CDH18: variants seen among roughly 807,000 people sequenced by gnomAD.
The protein encoded by CDH18 is cadherin 18.
In CDH18, 31 loss-of-function variants were observed where a neutral mutation model predicts 67.9. The ratio of observed to expected loss-of-function variants is 0.46; its 90% CI spans 0.34 to 0.62. The LOEUF is 0.62. Among genes scored for constraint, CDH18 ranks in the 20% least tolerant of loss-of-function variants. The pLI, the probability that CDH18 is intolerant of heterozygous loss-of-function variation, is 0.01. For synonymous variants in CDH18, 362 were observed against 347.2 expected (o/e 1.04, Z -0.48); for missense variants, 890 against 975.5 (o/e 0.91, Z 1.17).
At position 19,472,578 on chromosome 5, in the gene CDH18, C is replaced by T. The variant is rs941500183; in HGVS notation, c.*648G>A. Among the ~76,000 whole-genome samples the T allele has an allele frequency of 6.6e-6, 1 of 152,068 alleles. No individual in the cohort carries two copies. The highest frequency in any genetic ancestry group is 1.5e-5 in the Non-Finnish European group (1 of 68,008). On this transcript the variant is annotated 3_prime_UTR_variant, in exon 13 of 13. Coordinates refer to ENST00000382275, the MANE Select transcript of CDH18 (RefSeq NM_004934.5). Reference sequence around the variant, plus strand: ...CTCAGTACAGCACACAACTGGTGCACTGAAGTTGCATACATTATAGTGCAG... The same window carrying T: ...CTCAGTACAGCACACAACTGGTGCATTGAAGTTGCATACATTATAGTGCAG...
At position 20,554,830 on chromosome 5, in the gene CDH18, TCTA is replaced by T. The variant is rs572932664; in HGVS notation, c.-580+20629_-580+20631del. 1.1e-3 allele frequency among the ~76,000 whole-genome samples: 161 copies of T among 152,302 alleles called. 1 individual carries two copies. The highest frequency in any genetic ancestry group is 1.6e-3 in the Non-Finnish European group (109 of 68,028). ...AACCCTGTGCCACCAGATAAGCCAC[TCTA>T]CTGTTCTGAAGCAGTAAAGAAGACC... is the stretch of plus-strand genomic sequence containing the variant. On this transcript the variant is annotated intron_variant, in intron 1 of 14. Coordinates refer to the CDH18 transcript ENST00000507958.
chr5:20,344,773 C>T (rs1310180787), intron 1 of CDH18, among the ~76,000 whole-genome samples: 5 of 151,290 alleles, frequency 3.3e-5, no homozygotes, highest in African/African-American at 1.2e-4. Flanking sequence ...AGCCCCTTTG[C>T]CTCCACTAGC....
intron 3 of CDH18, among the ~76,000 whole-genome samples, chr5:19,779,003 C>A (rs941806615): frequency 6.6e-6 from 1 of 152,084 alleles, no homozygotes; most frequent in African/African-American, 2.4e-5. Flanking sequence ...TGCACACACA[C>A]AAGATTTCAT....
intron 1 of CDH18, among the ~76,000 whole-genome samples, chr5:20,267,824 C>T (rs7730314): frequency 0.11 from 17,206 of 152,080 alleles, 1,515 homozygotes; most frequent in African/African-American, 0.24. Flanking sequence ...TTTAGATTCA[C>T]GAGGTACATG....
chr5:19,828,855 T>C (rs867433452), intron 3 of CDH18, among the ~76,000 whole-genome samples: 2 of 152,068 alleles, frequency 1.3e-5, no homozygotes, highest in Non-Finnish European at 2.9e-5. Flanking sequence ...CTGGCCAACA[T>C]GGTGAAACCC....
chr5:20,250,493 T>C (rs1225004938), intron 2 of CDH18, among the ~76,000 whole-genome samples: 1 of 149,220 alleles, frequency 6.7e-6, no homozygotes, highest in Admixed American at 6.7e-5. Context: ...GGGTTTCACC[T>C]TGTTGGCCAG....
At chr5:19,884,477 C>T (rs1257916498) in intron 2 of CDH18, among the ~76,000 whole-genome samples, 1 of 151,814 alleles carries the variant, frequency 6.6e-6, no homozygotes, top group Non-Finnish European at 1.5e-5. Flanking sequence ...TCATTTCTTA[C>T]TGAAAAGAGT....
intron 1 of CDH18, among the ~76,000 whole-genome samples, chr5:20,404,700 G>C (rs188765691): frequency 6.6e-6 from 1 of 152,082 alleles, no homozygotes; most frequent in African/African-American, 2.4e-5. Flanking sequence ...CACAATAATA[G>C]TGACAAAGTT....
At chr5:19,744,107 G>A (rs1166153523) in intron 4 of CDH18, among the ~76,000 whole-genome samples, 1 of 151,872 alleles carries the variant, frequency 6.6e-6, no homozygotes. Context: ...AGTAATGAGT[G>A]TATATATACA....
intron 1 of CDH18, among the ~76,000 whole-genome samples, chr5:20,430,348 T>C (rs755518495): frequency 6.6e-6 from 1 of 152,162 alleles, no homozygotes; most frequent in Non-Finnish European, 1.5e-5. Flanking sequence ...GACATCACCA[T>C]CATTCACAGA....
At chr5:19,579,133 TTATC>T (rs1480732314) in intron 7 of CDH18, among the ~76,000 whole-genome samples, 2 of 152,038 alleles carry the variant, frequency 1.3e-5, no homozygotes, top group South Asian at 2.1e-4. Flanking sequence ...TTAAAATACT[TTATC>T]TATCACAGAC....
At chr5:20,291,331 GA>G (rs540573707) in intron 1 of CDH18, among the ~76,000 whole-genome samples, 470 of 152,246 alleles carry the variant, frequency 3.1e-3, no homozygotes, top group Non-Finnish European at 4.0e-3. Flanking sequence ...TGAAGACTAA[GA>G]GAGTCGGTCT....
At chr5:20,390,957 G>A (rs1198268902) in intron 1 of CDH18, among the ~76,000 whole-genome samples, 1 of 151,962 alleles carries the variant, frequency 6.6e-6, no homozygotes, top group Non-Finnish European at 1.5e-5. Flanking sequence ...ACCCAGGAAG[G>A]GGAACGTCAC....
chr5:20,415,010 G>T (rs1018394736), intron 1 of CDH18, among the ~76,000 whole-genome samples: 4 of 152,086 alleles, frequency 2.6e-5, no homozygotes, highest in Non-Finnish European at 4.4e-5. Flanking sequence ...AATTGAGATT[G>T]GTATATCCAA....
chr5:20,092,596 A>G (rs950988649), intron 2 of CDH18, among the ~76,000 whole-genome samples: 1 of 152,162 alleles, frequency 6.6e-6, no homozygotes, highest in South Asian at 2.1e-4. Flanking sequence ...GGTATTGAAA[A>G]TTTGAATTAT....
chr5:19,546,078 C>T (rs1380938439), intron 8 of CDH18, among the ~76,000 whole-genome samples: 3 of 152,090 alleles, frequency 2.0e-5, no homozygotes, highest in African/African-American at 7.2e-5. Flanking sequence ...AAGGAAGGAG[C>T]TAACAACTGG....
At position 19,571,852 on chromosome 5, in the gene CDH18, G is replaced by GATTATGACTTTTATAAAAAAAGTCAT. The variant is rs750099170; in HGVS notation, c.1000-46_1000-21dup. 2.0e-5 allele frequency: 31 copies of GATTATGACTTTTATAAAAAAAGTCAT among 1,573,004 alleles called. No homozygotes were observed. Among genetic ancestry groups the GATTATGACTTTTATAAAAAAAGTCAT allele is most frequent in the Admixed American group, 9.2e-5 (5 of 54,458 alleles). On this transcript the variant is annotated intron_variant, in intron 7 of 12. Coordinates refer to ENST00000382275, the MANE Select transcript of CDH18 (RefSeq NM_004934.5). ...CAGTGGCTGTGGGGAAAAAAAATAA[G>GATTATGACTTTTATAAAAAAAGTCAT]ATTATGACTTTTATAAAAAAAGTCA...
intron 10 of CDH18, among the ~76,000 whole-genome samples, chr5:19,520,435 G>A (rs150004236): frequency 1.7e-3 from 255 of 152,234 alleles, no homozygotes; most frequent in African/African-American, 5.8e-3. Flanking sequence ...CAGCATTCAT[G>A]AATGAATTCA....
chr5:19,737,929 A>T (rs1206119485), intron 4 of CDH18, among the ~76,000 whole-genome samples: 1 of 152,168 alleles, frequency 6.6e-6, no homozygotes, highest in Non-Finnish European at 1.5e-5. Context: ...AAGAAACAAC[A>T]TAAATTGTTA....
Sources: gnomAD v4.1 joint callset for allele counts (sites outside exome capture counted in the v4.1 genomes callset) on GRCh38, gnomAD v4.1.1 for gene constraint, MANE v1.5 for transcripts, NCBI Gene and HGNC (gene_info 2026-07-23, HGNC 2026-07-21) for gene names.